Variants in ACAP2 observed in about 807,000 individuals in gnomAD.
The protein encoded by ACAP2 is ArfGAP with coiled-coil, ankyrin repeat and PH domains 2, also known as arf-GAP with coiled-coil, ANK repeat and PH domain-containing protein 2.
A neutral mutation model predicts 115.8 loss-of-function variants in ACAP2; 39 were observed. The ratio of observed to expected loss-of-function variants is 0.34; its 90% CI spans 0.26 to 0.44. The LOEUF (loss-of-function observed/expected upper bound fraction) is 0.44. Among genes scored for constraint, ACAP2 ranks in the 20% least tolerant of loss-of-function variants. The pLI is 1.00. For missense variants in ACAP2, 662 were observed against 927.6 expected (o/e 0.71, Z 3.72); for synonymous variants, 289 against 315.8 (o/e 0.92, Z 0.90).
At chr3:195,318,161 C>G (rs1436572475) in intron 10 of ACAP2, among the ~76,000 whole-genome samples, 1 of 152,170 alleles carries the variant, frequency 6.6e-6, no homozygotes, top group Admixed American at 6.5e-5. Context: ...TTTCCTGAGG[C>G]TTCCCCAGCC....
At chr3:195,408,590 T>C (rs1199488945) in intron 1 of ACAP2, among the ~76,000 whole-genome samples, 2 of 151,932 alleles carry the variant, frequency 1.3e-5, no homozygotes, top group African/African-American at 4.8e-5. Context: ...GAAGAAAACT[T>C]CCAAACTCAT....
intron 1 of ACAP2, among the ~76,000 whole-genome samples, chr3:195,433,131 G>T (rs374934945): frequency 1.3e-5 from 2 of 151,816 alleles, no homozygotes; most frequent in South Asian, 2.1e-4. Flanking sequence ...CAAAATCCAC[G>T]GATGCTCAAG....
At chr3:195,371,756 A>T (rs1339917114) in intron 4 of ACAP2, among the ~76,000 whole-genome samples, 2 of 152,110 alleles carry the variant, frequency 1.3e-5, no homozygotes, top group Non-Finnish European at 2.9e-5. Context: ...GGGCTCAAGC[A>T]ATTGTCATGT....
chr3:195,362,973 G>A (rs1170477626), intron 4 of ACAP2, among the ~76,000 whole-genome samples: 1 of 152,076 alleles, frequency 6.6e-6, no homozygotes, highest in Non-Finnish European at 1.5e-5. Context: ...TAAGACAAGA[G>A]ACTAAAATAA....
chr3:195,367,052 C>CAAAAAA (rs35590029), intron 4 of ACAP2, among the ~76,000 whole-genome samples: 4 of 76,226 alleles, frequency 5.2e-5, no homozygotes, highest in African/African-American at 1.4e-4. Flanking sequence ...CCAACCCCGC[C>CAAAAAA]AAAAAAAAAA....
intron 1 of ACAP2, among the ~76,000 whole-genome samples, chr3:195,437,302 T>C (rs9288746): frequency 0.3 from 46,157 of 151,906 alleles, 8,069 homozygotes; most frequent in East Asian, 0.82. Context: ...CTCAGCCTCC[T>C]GAACTGTTGA....
At chr3:195,342,862 G>A (rs1306976001) in intron 5 of ACAP2, among the ~76,000 whole-genome samples, 1 of 152,140 alleles carries the variant, frequency 6.6e-6, no homozygotes, top group East Asian at 1.9e-4. Flanking sequence ...TGGTCATGGT[G>A]GCATGTGCCT....
chr3:195,367,217 C>G (rs137906833), intron 4 of ACAP2, among the ~76,000 whole-genome samples: 2 of 152,296 alleles, frequency 1.3e-5, no homozygotes, highest in East Asian at 3.9e-4. Context: ...GCTCCTAATT[C>G]AGCAGATCTA....
Position 195,434,087 on chromosome 3 carries a change from C to A in ACAP2, c.53+8708G>T, listed in dbSNP as rs139520773. Reference sequence around the variant, plus strand: ...GGGACTATAGGCATGTACCACCACACACAACTAATTTTTAATTTTTTTATA... The same window carrying A: ...GGGACTATAGGCATGTACCACCACAAACAACTAATTTTTAATTTTTTTATA... On this transcript the variant is annotated intron_variant, in intron 1 of 22. Coordinates refer to ENST00000326793, the MANE Select transcript of ACAP2 (RefSeq NM_012287.6). 6.4e-3 allele frequency among the ~76,000 whole-genome samples: 968 copies of A among 152,190 alleles called. 7 individuals carry two copies. Among genetic ancestry groups the A allele is most frequent in the Middle Eastern group, 0.017 (5 of 294 alleles).
At position 195,389,853 on chromosome 3, in the gene ACAP2, C is replaced by T. The variant is rs1275406461; in HGVS notation, c.111+2237G>A. Among the ~76,000 whole-genome samples the T allele has an allele frequency of 2.0e-5, 3 of 152,244 alleles. No individual in the cohort carries two copies. The South Asian group carries it at 6.2e-4, about 31-fold the overall frequency. On this transcript the variant is annotated intron_variant, in intron 2 of 22. Transcript: ENST00000326793. Reference sequence around the variant, plus strand: ...TTCCCAGTGGCAGGTGCTCCCCCAACGCGGATCCTGAAGTGCAGTGATGCG... The same window carrying T: ...TTCCCAGTGGCAGGTGCTCCCCCAATGCGGATCCTGAAGTGCAGTGATGCG...
intron 1 of ACAP2, chr3:195,412,823 T>TA (rs1292869288): frequency 2.3e-6 from 1 of 437,352 alleles, no homozygotes. Context: ...TGTTTCCTCA[T>TA]AAAAAATTCC....
At position 195,396,583 on chromosome 3, in the gene ACAP2, T is replaced by A. The variant is rs563083221; in HGVS notation, c.54-4436A>T. The stretch of plus-strand genomic sequence containing the variant: ...CAGGCAGATCACTTGAGGTCAGGAG[T>A]TCAATACCAGCCTGGCCAACATGGT... On this transcript the variant is annotated intron_variant, in intron 1 of 22. Transcript: ENST00000326793. 3.7e-4 allele frequency among the ~76,000 whole-genome samples: 56 copies of A among 150,636 alleles called. No individual in the cohort carries two copies. In the Middle Eastern group the frequency reaches 0.017, roughly 47 times the overall value.
At chr3:195,347,217 T>C (rs750689385) in intron 4 of ACAP2, among the ~76,000 whole-genome samples, 2 of 152,016 alleles carry the variant, frequency 1.3e-5, no homozygotes, top group African/African-American at 2.4e-5. Context: ...TATTAACAGG[T>C]TGATTGAAAG....
chr3:195,342,874 T>G (rs1730968576), intron 5 of ACAP2, among the ~76,000 whole-genome samples: 1 of 151,964 alleles, frequency 6.6e-6, no homozygotes, highest in African/African-American at 2.4e-5. Flanking sequence ...CATGTGCCTG[T>G]AGTCCCAGTT....
In ACAP2 at chr3:195,279,220, A is replaced by AAT. The variant is rs1184735247; in HGVS notation, c.*106_*107dup. 2.6e-5 allele frequency: 18 copies of AAT among 684,962 alleles called. No homozygotes were observed. Among genetic ancestry groups the AAT allele is most frequent in the East Asian group, 1.8e-4 (6 of 32,966 alleles). 42.4% of individuals were successfully genotyped at this position (684,962 alleles called of 1,614,324 possible). ...TGGGTACCTCTTTTCCAAGCCATTC[A>AAT]ATATCTACCAAAATTAAGTAGAATT... On this transcript the variant is annotated 3_prime_UTR_variant, in exon 23 of 23. Coordinates refer to ENST00000326793, the MANE Select transcript of ACAP2 (RefSeq NM_012287.6).
At chr3:195,417,247 C>T (rs1022021120) in intron 1 of ACAP2, among the ~76,000 whole-genome samples, 3 of 151,802 alleles carry the variant, frequency 2.0e-5, no homozygotes, top group Non-Finnish European at 4.4e-5. Context: ...TCTTTATCTC[C>T]AACCTAGATC....
At chr3:195,290,083 G>A (rs1055995027) in intron 20 of ACAP2, among the ~76,000 whole-genome samples, 1 of 152,148 alleles carries the variant, frequency 6.6e-6, no homozygotes, top group African/African-American at 2.4e-5. Flanking sequence ...AGTTTAAGAA[G>A]AAAATAATGG....
At chr3:195,388,924 T>C (rs1299226765) in intron 2 of ACAP2, among the ~76,000 whole-genome samples, 2 of 151,628 alleles carry the variant, frequency 1.3e-5, no homozygotes, top group African/African-American at 2.4e-5. Context: ...CTCAGGAGGC[T>C]GAGGCAGGAG....
intron 1 of ACAP2, among the ~76,000 whole-genome samples, chr3:195,433,959 T>A (rs1308469860): frequency 6.6e-6 from 1 of 152,140 alleles, no homozygotes; most frequent in Non-Finnish European, 1.5e-5. Context: ...AGACTAGGTC[T>A]CACTATGTCA....
Sources: allele counts gnomAD v4.1 joint callset (sites outside exome capture counted in the v4.1 genomes callset), GRCh38; gene constraint gnomAD v4.1.1; transcripts MANE v1.5; gene names NCBI Gene and HGNC (gene_info 2026-07-23, HGNC 2026-07-21).